Variants in FOXN3 observed in about 807,000 individuals in gnomAD.
FOXN3 encodes forkhead box protein N3.
Under a neutral mutation model 38.4 loss-of-function variants are expected in FOXN3, and 7 were observed. The ratio of observed to expected loss-of-function variants is 0.18; its 90% CI spans 0.10 to 0.34. The LOEUF is 0.34. Ranked by LOEUF, FOXN3 falls within the 10% of genes least tolerant of loss-of-function variation. The pLI is 1.00. For synonymous variants in FOXN3, 230 were observed against 242.2 expected (o/e 0.95, Z 0.47); for missense variants, 456 against 613.4 (o/e 0.74, Z 2.71).
At chr14:89,170,684 TAATA>T (rs1482441911) in intron 5 of FOXN3, among the ~76,000 whole-genome samples, 2 of 152,182 alleles carry the variant, frequency 1.3e-5, no homozygotes, top group Non-Finnish European at 2.9e-5. Flanking sequence ...GTATTCAAAT[TAATA>T]GTCAATGTTG....
At chr14:89,324,443 C>CGTGCGTGTGT (rs1306757895) in intron 3 of FOXN3, among the ~76,000 whole-genome samples, 1 of 143,384 alleles carries the variant, frequency 7.0e-6, no homozygotes, top group African/African-American at 2.6e-5. Context: ...TAAGTGTGTG[C>CGTGCGTGTGT]GTGTGTGTGT....
chr14:89,493,193 C>T (rs1044219525), intron 1 of FOXN3, among the ~76,000 whole-genome samples: 1 of 152,024 alleles, frequency 6.6e-6, no homozygotes, highest in Non-Finnish European at 1.5e-5. Flanking sequence ...CACTGATACA[C>T]GAATAATAAA....
chr14:89,367,496 G>A (rs1396783723), intron 2 of FOXN3, among the ~76,000 whole-genome samples: 1 of 152,142 alleles, frequency 6.6e-6, no homozygotes, highest in Non-Finnish European at 1.5e-5. Context: ...GTAAGATATG[G>A]ACAAAGCACC....
At chr14:89,277,440 TAGC>T (rs1031799004) in intron 4 of FOXN3, among the ~76,000 whole-genome samples, 5 of 152,164 alleles carry the variant, frequency 3.3e-5, no homozygotes, top group African/African-American at 9.7e-5. Flanking sequence ...AAACTGTCTG[TAGC>T]AGCCTAAATG....
At chr14:89,406,705 C>A (rs2140092686) in intron 2 of FOXN3, among the ~76,000 whole-genome samples, 1 of 151,928 alleles carries the variant, frequency 6.6e-6, no homozygotes, top group South Asian at 2.1e-4. Flanking sequence ...AATAAACATA[C>A]TTTTGTACAG....
At chr14:89,194,897 G>T (rs539994629) in intron 4 of FOXN3, among the ~76,000 whole-genome samples, 1 of 152,170 alleles carries the variant, frequency 6.6e-6, no homozygotes, top group African/African-American at 2.4e-5. Context: ...ACTCATGCAT[G>T]CAAATCTATT....
Position 89,412,263 on chromosome 14 carries a change from A to G in FOXN3, c.214T>C (p.Leu72=). 6.2e-7 allele frequency: 1 copy of G among 1,614,116 alleles called. No homozygotes were observed. The highest frequency in any genetic ancestry group is 8.5e-7 in the Non-Finnish European group (1 of 1,180,026). The change falls in exon 2 of 6, where the codon TTG becomes CTG. Residue 72 remains leucine (L), a synonymous_variant. Coordinates refer to ENST00000557258, the MANE Select transcript of FOXN3 (RefSeq NM_005197.4). This position sits in a 1 kb window ranked among gnomAD's most constrained non-coding sequence, Gnocchi z 4.7. ...NLNWLHESKN[L]LKSFGESVLR... ...ACCGACTCCCCAAAGCTCTTCAGCAAGTTCTTGCTCTCGTGCAGCCAGTTC... is the reference window on the plus strand; with the variant it reads ...ACCGACTCCCCAAAGCTCTTCAGCAGGTTCTTGCTCTCGTGCAGCCAGTTC...
intron 1 of FOXN3, among the ~76,000 whole-genome samples, chr14:89,546,329 CTTTTTTTT>C (rs1157998619): frequency 2.6e-5 from 2 of 78,316 alleles, no homozygotes; most frequent in African/African-American, 1.1e-4. Context: ...TTTCCTTTTT[CTTTTTTTT>C]TTTTTTTTTT....
rs961822825 is a variant in FOXN3, at chr14:89,548,842, G to A, written c.-15+70186C>T. On this transcript the variant is annotated intron_variant, in intron 1 of 6. Transcript: ENST00000345097. This position sits in a 1 kb window ranked among gnomAD's most constrained non-coding sequence, Gnocchi z 4.8. ...GTATTCAGTTTTTTATAATGTGCCG[G>A]GCGCGGTGGCTCACGCCTGTAATCC... is the stretch of plus-strand genomic sequence containing the variant. 1.3e-5 allele frequency among the ~76,000 whole-genome samples: 2 copies of A among 152,156 alleles called. No homozygotes were observed. The highest frequency in any genetic ancestry group is 4.8e-5 in the African/African-American group (2 of 41,422).
At chr14:89,526,113 G>A (rs1162227876) in intron 1 of FOXN3, among the ~76,000 whole-genome samples, 1 of 126,458 alleles carries the variant, frequency 7.9e-6, no homozygotes, top group Admixed American at 7.3e-5. Flanking sequence ...GGAATAGAAG[G>A]AACTTTTTCA....
chr14:89,414,557 T>A (rs1444634375), intron 1 of FOXN3, among the ~76,000 whole-genome samples: 1 of 148,432 alleles, frequency 6.7e-6, no homozygotes, highest in Non-Finnish European at 1.5e-5. Flanking sequence ...ACCGGTTTTT[T>A]TTTTTTTTTT....
intron 4 of FOXN3, among the ~76,000 whole-genome samples, chr14:89,279,354 C>G (rs998478173): frequency 1.3e-5 from 2 of 152,166 alleles, no homozygotes; most frequent in Non-Finnish European, 2.9e-5. Context: ...GAAACCTTAT[C>G]AATATTAATA....
At chr14:89,172,710 G>A (rs561482957) in intron 5 of FOXN3, among the ~76,000 whole-genome samples, 4 of 152,136 alleles carry the variant, frequency 2.6e-5, no homozygotes, top group Admixed American at 6.5e-5. Flanking sequence ...CAAATAGAAA[G>A]AAACCTGATA....
intron 3 of FOXN3, among the ~76,000 whole-genome samples, chr14:89,322,481 C>T (rs866318169): frequency 6.6e-6 from 1 of 152,060 alleles, no homozygotes; most frequent in Non-Finnish European, 1.5e-5. Context: ...AATGCCAGGA[C>T]AGACAATATG....
chr14:89,467,665 C>G (rs1204518219), intron 1 of FOXN3, among the ~76,000 whole-genome samples: 2 of 150,746 alleles, frequency 1.3e-5, no homozygotes, highest in African/African-American at 4.9e-5. Context: ...TGTTGCCCAG[C>G]TGCAGTCTCA....
At chr14:89,417,565 GC>G (rs1891784900), upstream of FOXN3, 1 of 320,966 alleles carries the variant, frequency 3.1e-6, no homozygotes, top group Non-Finnish European at 6.4e-6. Context: ...CCCTCCCCGG[GC>G]TCCGGCCACA....
chr14:89,549,552 C>A (rs1894959333), intron 1 of FOXN3, among the ~76,000 whole-genome samples: 1 of 152,006 alleles, frequency 6.6e-6, no homozygotes, highest in Non-Finnish European at 1.5e-5. Flanking sequence ...CCCCAATATC[C>A]CCCAAAACAG....
chr14:89,546,335 T>TTTTCTTTC lies in FOXN3; in HGVS notation c.-15+72692_-15+72693insGAAAGAAA, dbSNP rs1375785624. Among the ~76,000 whole-genome samples the TTTTCTTTC allele has an allele frequency of 7.5e-5, 9 of 119,472 alleles. 1 individual carries two copies. The highest frequency in any genetic ancestry group is 1.4e-4 in the Non-Finnish European group (8 of 56,854). 78.4% of individuals were successfully genotyped at this position (119,472 alleles called of 152,430 possible). A position where few individuals can be genotyped will look rare whatever the true frequency, so the allele number is the denominator to read the frequency against. ...CTTTTCTTTTTTCCTTTTTCTTTTT[T>TTTTCTTTC]TTTTTTTTTTTTTGAGATGGAGTCT... On this transcript the variant is annotated intron_variant, in intron 1 of 6. Coordinates refer to the FOXN3 transcript ENST00000345097.
At chr14:89,323,404 C>A (rs564453399) in intron 3 of FOXN3, among the ~76,000 whole-genome samples, 1 of 151,492 alleles carries the variant, frequency 6.6e-6, no homozygotes, top group Non-Finnish European at 1.5e-5. Flanking sequence ...AGCAAAGACC[C>A]AAAGAAGGAG....
Sources: gnomAD v4.1 joint callset for allele counts (sites outside exome capture counted in the v4.1 genomes callset) on GRCh38, gnomAD v4.1.1 for gene constraint, Gnocchi (gnomAD v3.1) non-coding constraint, MANE v1.5 for transcripts, NCBI Gene and HGNC (gene_info 2026-07-23, HGNC 2026-07-21) for gene names.